Variants in OCA2 observed in about 807,000 individuals in gnomAD.
OCA2 encodes P protein.
Under a neutral mutation model 100.2 loss-of-function variants are expected in OCA2, and 77 were observed. The ratio of observed to expected loss-of-function variants is 0.77; its 90% CI spans 0.64 to 0.93. The LOEUF (loss-of-function observed/expected upper bound fraction) is 0.93. Among genes scored for constraint, OCA2 ranks in the 40% least tolerant of loss-of-function variants. The probability of loss-of-function intolerance (pLI) is 0.00; values close to 1 mark genes in which losing one functional copy is unlikely to be tolerated. For missense variants in OCA2, 1,062 were observed against 1,089.1 expected (o/e 0.98, Z 0.35); for synonymous variants, 432 against 439.2 (o/e 0.98, Z 0.21).
At chr15:28,027,032 C>CA (rs2042770947) in intron 4 of OCA2, among the ~76,000 whole-genome samples, 1 of 152,204 alleles carries the variant, frequency 6.6e-6, no homozygotes, top group Admixed American at 6.5e-5. Context: ...AATGGAAGCC[C>CA]ACTGGTCCCG....
chr15:28,024,738 G>C, intron 5 of OCA2, 107 bp downstream of exon 5: 1 of 1,166,428 alleles, frequency 8.6e-7, no homozygotes, highest in Non-Finnish European at 1.3e-6. Context: ...CAGGCGAAGA[G>C]GGCCAGGCAC....
At chr15:27,776,975 G>T (rs1187415297) in intron 23 of OCA2, among the ~76,000 whole-genome samples, 2 of 103,130 alleles carry the variant, frequency 1.9e-5, no homozygotes, top group Non-Finnish European at 3.5e-5. Flanking sequence ...AGCGTGAGGT[G>T]GGGGGGGGTG....
Position 27,755,463 on chromosome 15 carries a change from G to A in OCA2, c.2442C>T (p.Phe814=). 6.2e-7 allele frequency: 1 copy of A among 1,613,488 alleles called. No homozygotes were observed. Among genetic ancestry groups the A allele is most frequent in the South Asian group, 1.1e-5 (1 of 91,048 alleles). Reference sequence around the variant, plus strand: ...CAGTGCAGGACACAACCATCATTGGGAAGCCCAGCCTGAAATACAAAGAGA... The same window carrying A: ...CAGTGCAGGACACAACCATCATTGGAAAGCCCAGCCTGAAATACAAAGAGA... ...FSFMEFFRLG[F]PMMVVSCTVG... The change falls in exon 24 of 24, where the codon TTC becomes TTT. Residue 814 remains phenylalanine (F), a synonymous_variant. Coordinates refer to ENST00000354638, the MANE Select transcript of OCA2 (RefSeq NM_000275.3).
chr15:27,843,914 A>G (rs1389862969), intron 23 of OCA2, among the ~76,000 whole-genome samples: 1 of 152,032 alleles, frequency 6.6e-6, no homozygotes, highest in Non-Finnish European at 1.5e-5. Context: ...CACTCAACCA[A>G]AGTTGAGGTT....
intron 15 of OCA2, among the ~76,000 whole-genome samples, chr15:27,958,279 C>T (rs1389788600): frequency 6.6e-6 from 1 of 152,242 alleles, no homozygotes; most frequent in South Asian, 2.1e-4. Context: ...CTTGAACCAA[C>T]ACATCAAAGC....
chr15:28,095,204 G>C (rs558785705), intron 1 of OCA2, among the ~76,000 whole-genome samples: 1 of 152,282 alleles, frequency 6.6e-6, no homozygotes, highest in Non-Finnish European at 1.5e-5. Flanking sequence ...TGCGGGACTC[G>C]GAGCAGAGCT....
intron 23 of OCA2, among the ~76,000 whole-genome samples, chr15:27,797,583 A>C (rs573646414): frequency 9.9e-5 from 15 of 152,188 alleles, no homozygotes; most frequent in Non-Finnish European, 1.8e-4. Context: ...GGTCTCACAG[A>C]AACACTCTGG....
chr15:27,744,398 A>T, the OCA2 span, among the ~76,000 whole-genome samples: 1 of 152,178 alleles, frequency 6.6e-6, no homozygotes, highest in Non-Finnish European at 1.5e-5. Context: ...GGATGGGGGA[A>T]CCGTGGGCAC....
chr15:27,946,676 T>C (rs2039849611), intron 18 of OCA2, among the ~76,000 whole-genome samples: 1 of 152,186 alleles, frequency 6.6e-6, no homozygotes, highest in Non-Finnish European at 1.5e-5. Context: ...TTTTGTTTTA[T>C]CAGAAGGAAA....
intron 16 of OCA2, 139 bp from the exon 17 acceptor site, chr15:27,955,354 C>T (rs541055689): frequency 1.6e-5 from 12 of 729,140 alleles, no homozygotes; most frequent in African/African-American, 5.3e-5. Context: ...CATGGGGGGC[C>T]GGTGGGGCTT....
intron 18 of OCA2, among the ~76,000 whole-genome samples, chr15:27,927,596 C>G (rs1478820811): frequency 6.6e-6 from 1 of 152,120 alleles, no homozygotes; most frequent in East Asian, 1.9e-4. Context: ...TAGGAAACTG[C>G]AAAACTATTT....
intron 23 of OCA2, among the ~76,000 whole-genome samples, chr15:27,802,145 T>C (rs1011283964): frequency 1.3e-5 from 2 of 152,156 alleles, no homozygotes; most frequent in African/African-American, 4.8e-5. Context: ...CTATTATATT[T>C]CTATATAATA....
At chr15:28,088,644 G>A (rs949030105) in intron 1 of OCA2, among the ~76,000 whole-genome samples, 4 of 152,148 alleles carry the variant, frequency 2.6e-5, no homozygotes, top group African/African-American at 9.7e-5. Context: ...ATGTCGGTAG[G>A]TTCCGTGATG....
In OCA2 at chr15:28,081,758, A is replaced by G; in HGVS notation, c.117T>C (p.Pro39=). The G allele has an allele frequency of 6.2e-7, 1 of 1,613,444 alleles. No individual in the cohort carries two copies. The highest frequency in any genetic ancestry group is 1.1e-5 in the South Asian group (1 of 91,064). Residue 39 remains proline, a synonymous_variant, in exon 2 of 24, where the codon CCT becomes CCC. Transcript: ENST00000354638. The part of the protein sequence containing the change: ...AELVAGKRRL[P]RGAGGADPSH... ...AGGGGTCAGCTCCACCGGCTCCCCG[A>G]GGAAGCCTGCGCTTGCCGGCCACAA...
intron 23 of OCA2, among the ~76,000 whole-genome samples, chr15:27,770,839 T>TCCTTC (rs2031715883): frequency 8.4e-6 from 1 of 119,708 alleles, no homozygotes; most frequent in African/African-American, 4.0e-5. Context: ...CCTTCCTCCC[T>TCCTTC]CTTTTCCTTC....
At chr15:27,786,886 C>T (rs1220529297) in intron 23 of OCA2, among the ~76,000 whole-genome samples, 1 of 152,146 alleles carries the variant, frequency 6.6e-6, no homozygotes, top group Admixed American at 6.5e-5. Flanking sequence ...CATTCATTCT[C>T]TCACCATTAG....
At chr15:27,726,306 A>T in the OCA2 span, among the ~76,000 whole-genome samples, 1 of 120,226 alleles carries the variant, frequency 8.3e-6, no homozygotes, top group Non-Finnish European at 1.5e-5. Context: ...TCAAAAAATA[A>T]ATAAATAAAT....
chr15:27,862,914 C>T (rs147190742), intron 21 of OCA2, among the ~76,000 whole-genome samples: 4 of 152,320 alleles, frequency 2.6e-5, no homozygotes, highest in African/African-American at 7.2e-5. Flanking sequence ...TTAAATACCA[C>T]AACATCATAA....
chr15:27,852,657 T>G (rs1165849515), intron 21 of OCA2, among the ~76,000 whole-genome samples: 1 of 151,146 alleles, frequency 6.6e-6, no homozygotes, highest in East Asian at 1.9e-4. Context: ...GGGAGAAAAT[T>G]TTTGCAACCT....
Sources: gnomAD v4.1 joint callset for allele counts (sites outside exome capture counted in the v4.1 genomes callset) on GRCh38, gnomAD v4.1.1 for gene constraint, MANE v1.5 for transcripts, NCBI Gene and HGNC (gene_info 2026-07-23, HGNC 2026-07-21) for gene names.